IMMP2L: variants seen among roughly 807,000 people sequenced by gnomAD.
The protein encoded by IMMP2L is mitochondrial inner membrane protease subunit 2.
IMMP2L carries 18 observed loss-of-function variants against 19.3 expected under a neutral mutation model. That is an observed-to-expected ratio of 0.93 (90% CI 0.64 to 1.38). The LOEUF is 1.38. Among genes scored for constraint, IMMP2L ranks in the 40% most tolerant of loss-of-function variants. The pLI, the probability that IMMP2L is intolerant of heterozygous loss-of-function variation, is 0.00. For synonymous variants in IMMP2L, 76 were observed against 73.0 expected, an observed-to-expected ratio of 1.04 and a Z score of -0.21; for missense variants, 233 against 218.2, an observed-to-expected ratio of 1.07 and a Z score of -0.43.
At chr7:110,742,554 G>T (rs928814662) in intron 5 of IMMP2L, among the ~76,000 whole-genome samples, 1 of 152,038 alleles carries the variant, frequency 6.6e-6, no homozygotes, top group African/African-American at 2.4e-5. Context: ...GGATCACAAG[G>T]TCTGGAGATT....
intron 1 of IMMP2L, among the ~76,000 whole-genome samples, chr7:111,522,512 T>C (rs1184056625): frequency 6.6e-6 from 1 of 151,960 alleles, no homozygotes; most frequent in Non-Finnish European, 1.5e-5. Context: ...CAATAATTTC[T>C]CAAAAGAAGA....
chr7:110,684,915 C>T (rs539735646), intron 5 of IMMP2L, among the ~76,000 whole-genome samples: 3 of 152,110 alleles, frequency 2.0e-5, no homozygotes, highest in Non-Finnish European at 4.4e-5. Flanking sequence ...GTATCCAGTG[C>T]TACCTGGCAT....
intron 4 of IMMP2L, among the ~76,000 whole-genome samples, chr7:110,936,544 G>T (rs937234307): frequency 6.6e-6 from 1 of 152,170 alleles, no homozygotes; most frequent in African/African-American, 2.4e-5. Context: ...AAAAAGTCAG[G>T]AAACAACAGA....
At chr7:111,488,177 A>T (rs990386761) in intron 2 of IMMP2L, among the ~76,000 whole-genome samples, 1 of 152,158 alleles carries the variant, frequency 6.6e-6, no homozygotes, top group Admixed American at 6.6e-5. Context: ...ACTGTTTTTT[A>T]AATTTTTTTT....
chr7:111,387,626 C>A (rs1282960713), intron 3 of IMMP2L, among the ~76,000 whole-genome samples: 1 of 152,084 alleles, frequency 6.6e-6, no homozygotes, highest in Non-Finnish European at 1.5e-5. Flanking sequence ...ATAACAGAAT[C>A]TTAAGCTAAG....
chr7:110,724,429 C>T (rs969694047), intron 5 of IMMP2L: 10 of 152,108 alleles, frequency 6.6e-5, no homozygotes, highest in African/African-American at 2.2e-4. Context: ...GTGAAGCACT[C>T]CTATCAAGAA....
intron 3 of IMMP2L, among the ~76,000 whole-genome samples, chr7:111,464,402 G>C (rs1840419353): frequency 6.6e-6 from 1 of 152,140 alleles, no homozygotes; most frequent in East Asian, 1.9e-4. Context: ...AGGATTACTT[G>C]AGCCCAGGAG....
intron 5 of IMMP2L, 103 bp downstream of exon 5, chr7:110,886,490 C>A: frequency 1.5e-6 from 1 of 662,590 alleles, no homozygotes; most frequent in Non-Finnish European, 2.7e-6. Context: ...GTATAAATTT[C>A]ATGATCAGTC....
chr7:110,950,214 A>C (rs1563104982), intron 4 of IMMP2L, among the ~76,000 whole-genome samples: 1 of 152,074 alleles, frequency 6.6e-6, no homozygotes, highest in Admixed American at 6.6e-5. Flanking sequence ...TTTGTTAAAG[A>C]GACTGACTTT....
chr7:111,361,157 T>G (rs538544804), intron 3 of IMMP2L, among the ~76,000 whole-genome samples: 1 of 152,158 alleles, frequency 6.6e-6, no homozygotes, highest in East Asian at 1.9e-4. Flanking sequence ...ATAGCCAATT[T>G]TCTATATGTA....
rs189356616 is a variant in IMMP2L, at chr7:111,433,980, T to C, written c.239+53258A>G. Among the ~76,000 whole-genome samples, 3 of 151,696 alleles carry C rather than the reference T, an allele frequency of 2.0e-5. No individual in the cohort carries two copies. In the East Asian group the frequency reaches 5.8e-4, roughly 29 times the overall value. ...ATATGGAAACAAAAAAGACCCCAAA[T>C]AGCCACAGCAATCCTAAGCAGAAAG... is the stretch of plus-strand genomic sequence containing the variant. On this transcript the variant is annotated intron_variant, in intron 3 of 5. Transcript: ENST00000405709.
At chr7:110,819,908 C>A (rs1281344599) in intron 5 of IMMP2L, among the ~76,000 whole-genome samples, 1 of 151,910 alleles carries the variant, frequency 6.6e-6, no homozygotes, top group African/African-American at 2.4e-5. Context: ...TTCTTAATTT[C>A]TCTATATCTT....
intron 2 of IMMP2L, among the ~76,000 whole-genome samples, chr7:111,490,130 C>G (rs916581662): frequency 4.1e-5 from 6 of 147,104 alleles, no homozygotes; most frequent in African/African-American, 1.3e-4. Context: ...GAGGGTCTCG[C>G]TCTGTCACTT....
At chr7:110,835,795 TATTCTC>T (rs993832839) in intron 5 of IMMP2L, among the ~76,000 whole-genome samples, 1 of 152,186 alleles carries the variant, frequency 6.6e-6, no homozygotes, top group Non-Finnish European at 1.5e-5. Context: ...TTCTGTTTGT[TATTCTC>T]ATTGTTTGTT....
intron 3 of IMMP2L, among the ~76,000 whole-genome samples, chr7:111,437,407 T>C (rs905969484): frequency 1.3e-5 from 2 of 151,818 alleles, no homozygotes; most frequent in Non-Finnish European, 2.9e-5. Flanking sequence ...ATCACGCCCA[T>C]TGCCCCACAG....
chr7:111,270,208 TAAA>T (rs960562348), intron 3 of IMMP2L, among the ~76,000 whole-genome samples: 1 of 151,896 alleles, frequency 6.6e-6, no homozygotes, highest in Non-Finnish European at 1.5e-5. Flanking sequence ...TTTAAAAAAA[TAAA>T]AAACTATTTC....
chr7:110,844,360 G>A (rs547226173), intron 5 of IMMP2L, among the ~76,000 whole-genome samples: 5 of 151,956 alleles, frequency 3.3e-5, no homozygotes, highest in Non-Finnish European at 4.4e-5. Context: ...GATAAACATG[G>A]AACTAGATCT....
Position 110,728,539 on chromosome 7 carries a change from GC to G in IMMP2L, c.409-64819del, listed in dbSNP as rs1451172605. On this transcript the variant is annotated intron_variant, in intron 5 of 5. Coordinates refer to ENST00000405709, the MANE Select transcript of IMMP2L (RefSeq NM_032549.4). This position sits in a 1 kb window ranked among gnomAD's most constrained non-coding sequence, Gnocchi z 4.6. ...ATAAAATAAAATAACAATATTAAAG[GC>G]CCCTTTTGACCCACCTTACCTGCAA... is the stretch of plus-strand genomic sequence containing the variant. 6.6e-6 allele frequency among the ~76,000 whole-genome samples: 1 copy of G among 151,832 alleles called. No homozygotes were observed. Among genetic ancestry groups the G allele is most frequent in the African/African-American group, 2.4e-5 (1 of 41,358 alleles).
intron 3 of IMMP2L, among the ~76,000 whole-genome samples, chr7:111,458,678 C>G (rs1024241594): frequency 6.6e-6 from 1 of 152,112 alleles, no homozygotes; most frequent in African/African-American, 2.4e-5. Flanking sequence ...CCAGCATCCC[C>G]CTTTGATTCT....
Sources: gnomAD v4.1 joint callset for allele counts (sites outside exome capture counted in the v4.1 genomes callset) on GRCh38, gnomAD v4.1.1 for gene constraint, Gnocchi (gnomAD v3.1) non-coding constraint, MANE v1.5 for transcripts, NCBI Gene and HGNC (gene_info 2026-07-23, HGNC 2026-07-21) for gene names.